Variants in SEMA3D observed in about 807,000 individuals in gnomAD.
The protein encoded by SEMA3D is semaphorin-3D.
Under a neutral mutation model 100.1 loss-of-function variants are expected in SEMA3D, and 84 were observed. That is an observed-to-expected ratio of 0.84 (90% CI 0.70 to 1.01). The LOEUF is 1.01. Ranked by LOEUF, SEMA3D falls within the 50% of genes least tolerant of loss-of-function variation. The pLI, the probability that SEMA3D is intolerant of heterozygous loss-of-function variation, is 0.00. For missense variants in SEMA3D, 875 were observed against 934.1 expected, an observed-to-expected ratio of 0.94 and a Z score of 0.82; for synonymous variants, 312 against 320.7, an observed-to-expected ratio of 0.97 and a Z score of 0.29.
intron 1 of SEMA3D, among the ~76,000 whole-genome samples, chr7:85,165,159 T>C (rs183693038): frequency 6.6e-6 from 1 of 152,006 alleles, no homozygotes; most frequent in Non-Finnish European, 1.5e-5. Context: ...GGCACATGTA[T>C]ACATGTGTAA....
chr7:85,048,870 T>C (rs1298393369), intron 9 of SEMA3D, among the ~76,000 whole-genome samples: 1 of 151,856 alleles, frequency 6.6e-6, no homozygotes, highest in East Asian at 1.9e-4. Flanking sequence ...TGTAGAAATA[T>C]AACATGTAGA....
chr7:85,155,012 T>C (rs1790546356), intron 1 of SEMA3D, among the ~76,000 whole-genome samples: 1 of 152,162 alleles, frequency 6.6e-6, no homozygotes, highest in South Asian at 2.1e-4. Context: ...AATTGATTGC[T>C]TTAAAAATAA....
At chr7:85,066,087 A>G (rs1402386128) in intron 7 of SEMA3D, among the ~76,000 whole-genome samples, 1 of 152,188 alleles carries the variant, frequency 6.6e-6, no homozygotes, top group African/African-American at 2.4e-5. Flanking sequence ...GTAGCTAATC[A>G]TGTCTCTAAT....
rs542898682 is a variant in SEMA3D, at chr7:85,066,892, T to TCACACACACA, written c.589+1289_589+1298dup. Among the ~76,000 whole-genome samples, 333 of 106,916 alleles carry TCACACACACA rather than the reference T, an allele frequency of 3.1e-3. 3 individuals carry two copies. Among genetic ancestry groups the TCACACACACA allele is most frequent in the African/African-American group, 0.012 (297 of 25,474 alleles). 70.1% of individuals were successfully genotyped at this position (106,916 alleles called of 152,430 possible). ...GCTAACTTCTAAAGGAAATGTGCGC[T>TCACACACACA]CACACACACACACACACACACAGAG... On this transcript the variant is annotated intron_variant, in intron 7 of 18. Transcript: ENST00000284136.
intron 1 of SEMA3D, among the ~76,000 whole-genome samples, chr7:85,178,653 G>T (rs1453190888): frequency 2.0e-5 from 3 of 152,152 alleles, no homozygotes; most frequent in African/African-American, 7.2e-5. Flanking sequence ...TTTGCCTCCT[G>T]ATGATGTAAC....
rs748968248 is a variant in SEMA3D at position 85,097,983 on chromosome 7, A to G, written c.152-18T>C. 2.1e-6 allele frequency: 3 copies of G among 1,406,008 alleles called. No homozygotes were observed. The Admixed American group carries it at 6.8e-5, about 32-fold the overall frequency. The allele number at this position is 1,406,008 out of a possible 1,614,324, so 87.1% of individuals were successfully genotyped here. On this transcript the variant is annotated intron_variant, in intron 3 of 18. Coordinates refer to ENST00000284136, the MANE Select transcript of SEMA3D (RefSeq NM_001384900.1). ...CAGCAAGTCTATGGAAAGCAAAAAAAGAAAAGAAAGGAGAAAGAAAAAAGA... is the reference window on the plus strand; with the variant it reads ...CAGCAAGTCTATGGAAAGCAAAAAAGGAAAAGAAAGGAGAAAGAAAAAAGA...
At chr7:85,075,510 G>C (rs1791897443) in intron 5 of SEMA3D, among the ~76,000 whole-genome samples, 1 of 151,204 alleles carries the variant, frequency 6.6e-6, no homozygotes, top group South Asian at 2.1e-4. Context: ...GCTAGTCCTA[G>C]AAAGTAGCCT....
intron 4 of SEMA3D, 34 bp downstream of exon 4, chr7:85,097,771 G>A: frequency 7.6e-7 from 1 of 1,313,406 alleles, no homozygotes; most frequent in Non-Finnish European, 1.1e-6. Context: ...GAAAATAAAT[G>A]AATTTAACCA....
At chr7:85,069,416 A>G (rs1020378666) in intron 6 of SEMA3D, among the ~76,000 whole-genome samples, 5 of 152,192 alleles carry the variant, frequency 3.3e-5, no homozygotes, top group South Asian at 2.1e-4. Flanking sequence ...AATACAAATA[A>G]TAATGGTACC....
At chr7:85,142,046 AG>A in intron 2 of SEMA3D, 2 of 981,664 alleles carry the variant, frequency 2.0e-6, no homozygotes, top group South Asian at 9.5e-5. Flanking sequence ...AGAAGGTAAG[AG>A]AAAAAAAAAA....
At chr7:85,222,434 A>C in the SEMA3D span, among the ~76,000 whole-genome samples, 2 of 152,140 alleles carry the variant, frequency 1.3e-5, no homozygotes, top group African/African-American at 2.4e-5. Context: ...TATGTACGTA[A>C]ATATATGTAT....
At chr7:85,247,176 AT>A in the SEMA3D span, among the ~76,000 whole-genome samples, 1 of 152,058 alleles carries the variant, frequency 6.6e-6, no homozygotes, top group African/African-American at 2.4e-5. Context: ...ATGGCAAGAA[AT>A]AACACAGAGA....
At chr7:85,094,228 A>C (rs1254376407) in intron 4 of SEMA3D, among the ~76,000 whole-genome samples, 1 of 152,006 alleles carries the variant, frequency 6.6e-6, no homozygotes, top group African/African-American at 2.4e-5. Context: ...GGCTAGGAAG[A>C]GCCTTAGAAG....
chr7:85,138,782 A>G (rs1413317629), intron 2 of SEMA3D, among the ~76,000 whole-genome samples: 1 of 151,586 alleles, frequency 6.6e-6, no homozygotes, highest in Non-Finnish European at 1.5e-5. Context: ...CATCTACATT[A>G]GGTATTTCTC....
intron 1 of SEMA3D, among the ~76,000 whole-genome samples, chr7:85,161,584 G>A (rs1376976156): frequency 6.6e-6 from 1 of 152,032 alleles, no homozygotes; most frequent in Non-Finnish European, 1.5e-5. Context: ...GCAAGAAGCA[G>A]GAAGAGAGGA....
chr7:85,054,878 G>C (rs1791264423), intron 9 of SEMA3D, among the ~76,000 whole-genome samples: 1 of 152,026 alleles, frequency 6.6e-6, no homozygotes, highest in South Asian at 2.1e-4. Context: ...ATAATATACT[G>C]AAGTTAAAGT....
At chr7:85,209,551 A>G in the SEMA3D span, among the ~76,000 whole-genome samples, 1 of 151,976 alleles carries the variant, frequency 6.6e-6, no homozygotes, top group African/African-American at 2.4e-5. Flanking sequence ...ATTACTTAAA[A>G]GCTTTGAAGA....
chr7:85,145,350 G>A (rs1790172100), intron 2 of SEMA3D, among the ~76,000 whole-genome samples: 1 of 151,990 alleles, frequency 6.6e-6, no homozygotes, highest in Non-Finnish European at 1.5e-5. Context: ...TTGGTTTGGG[G>A]GGGATAGATA....
At chr7:85,052,666 A>C (rs1179690028) in intron 9 of SEMA3D, among the ~76,000 whole-genome samples, 1 of 151,936 alleles carries the variant, frequency 6.6e-6, no homozygotes, top group African/African-American at 2.4e-5. Context: ...TAACTCTATC[A>C]CATCACATTA....
Sources: gnomAD v4.1 joint callset for allele counts (sites outside exome capture counted in the v4.1 genomes callset) on GRCh38, gnomAD v4.1.1 for gene constraint, MANE v1.5 for transcripts, NCBI Gene and HGNC (gene_info 2026-07-23, HGNC 2026-07-21) for gene names.